ERICH6B: variants seen among roughly 807,000 people sequenced by gnomAD.
The protein encoded by ERICH6B is glutamate rich 6B.
In ERICH6B, 69 loss-of-function variants were observed where a neutral mutation model predicts 80.0. That is an observed-to-expected ratio of 0.86 (90% CI 0.71 to 1.05). ERICH6B has a LOEUF of 1.05. Ranked by LOEUF, ERICH6B falls within the 50% of genes least tolerant of loss-of-function variation. The probability of loss-of-function intolerance (pLI) is 0.00; values close to 1 mark genes in which losing one functional copy is unlikely to be tolerated. For missense variants in ERICH6B, 754 were observed against 796.1 expected, an observed-to-expected ratio of 0.95 and a Z score of 0.64; for synonymous variants, 283 against 291.9, an observed-to-expected ratio of 0.97 and a Z score of 0.31.
intron 3 of ERICH6B, among the ~76,000 whole-genome samples, chr13:45,593,717 A>C (rs1380601316): frequency 2.0e-5 from 3 of 152,204 alleles, no homozygotes; most frequent in African/African-American, 7.2e-5. Flanking sequence ...TAAGTAGATA[A>C]ATAAATGACA....
rs78729837 is a variant in ERICH6B, at chr13:45,582,238, C to T, written c.857-1573G>A. Among the ~76,000 whole-genome samples the T allele has an allele frequency of 1.4e-3, 208 of 152,302 alleles. 3 individuals are homozygous for T. In the East Asian group the frequency reaches 0.033, roughly 24 times the overall value. ...AGTGTGGTGTCCCCCAAACTGAACGCGCCATTCCAGGGATGGCACTCCAAT... is the reference window on the plus strand; with the variant it reads ...AGTGTGGTGTCCCCCAAACTGAACGTGCCATTCCAGGGATGGCACTCCAAT... On this transcript the variant is annotated intron_variant, in intron 5 of 14. Transcript: ENST00000298738.
intron 2 of ERICH6B, among the ~76,000 whole-genome samples, chr13:45,606,522 TATATATATATATATATATA>T (rs1566307718): frequency 4.7e-4 from 15 of 32,160 alleles, no homozygotes; most frequent in Admixed American, 1.3e-3. Flanking sequence ...TATATATATA[TATATATATATATATATATA>T]TATATATTTT....
At chr13:45,604,693 A>AAAAC (rs545910833) in intron 2 of ERICH6B, among the ~76,000 whole-genome samples, 65 of 140,682 alleles carry the variant, frequency 4.6e-4, no homozygotes, top group Non-Finnish European at 6.0e-4. Flanking sequence ...TTGGCTGGAA[A>AAAAC]AAACAAACAA....
intron 4 of ERICH6B, among the ~76,000 whole-genome samples, chr13:45,589,419 C>T (rs566016580): frequency 3.6e-4 from 55 of 152,316 alleles, no homozygotes; most frequent in Non-Finnish European, 7.2e-4. Flanking sequence ...CCTGGCGGTT[C>T]GTGGGGTGCA....
At chr13:45,615,140 C>T (rs1949920523) in intron 1 of ERICH6B, among the ~76,000 whole-genome samples, 1 of 152,232 alleles carries the variant, frequency 6.6e-6, no homozygotes, top group African/African-American at 2.4e-5. Flanking sequence ...GGTCACTGCT[C>T]ACATCTCCCT....
At chr13:45,611,576 C>T (rs1286653514) in intron 1 of ERICH6B, among the ~76,000 whole-genome samples, 1 of 152,192 alleles carries the variant, frequency 6.6e-6, no homozygotes, top group African/African-American at 2.4e-5. Context: ...AGAGCTTTCA[C>T]TACCCATGAC....
At chr13:45,553,885 G>A (rs561331290) in intron 11 of ERICH6B, among the ~76,000 whole-genome samples, 1 of 152,156 alleles carries the variant, frequency 6.6e-6, no homozygotes, top group African/African-American at 2.4e-5. Context: ...ACAACATGAT[G>A]TTTTGATGTA....
chr13:45,613,542 G>A (rs937473778), intron 1 of ERICH6B, among the ~76,000 whole-genome samples: 27 of 152,144 alleles, frequency 1.8e-4, no homozygotes, highest in Admixed American at 1.6e-3. Context: ...ATTACTTGAA[G>A]CGGTGAACTA....
chr13:45,611,201 C>T (rs1324378838), intron 1 of ERICH6B, among the ~76,000 whole-genome samples: 1 of 152,150 alleles, frequency 6.6e-6, no homozygotes. Flanking sequence ...TGCTAGAATC[C>T]CATTGTCCAG....
rs200242458 is a variant in ERICH6B at position 45,606,501 on chromosome 13, A to G, written c.-59+1063T>C. ...TTCTTGGCTGAGATCCCAAAAGTGT[A>G]TGTGTATATATATATATATATATAT... On this transcript the variant is annotated intron_variant, in intron 2 of 14. Coordinates refer to ENST00000298738, the MANE Select transcript of ERICH6B (RefSeq NM_182542.3). 4.0e-3 allele frequency among the ~76,000 whole-genome samples: 187 copies of G among 47,188 alleles called. 2 individuals carry two copies. The highest frequency in any genetic ancestry group is 0.016 in the African/African-American group (131 of 8,246). The allele number at this position is 47,188 out of a possible 152,430, so 31.0% of individuals were successfully genotyped here. A position where few individuals can be genotyped will look rare whatever the true frequency, so the allele number is the denominator to read the frequency against.
At chr13:45,569,957 C>T (rs1486316636) in intron 8 of ERICH6B, among the ~76,000 whole-genome samples, 3 of 152,198 alleles carry the variant, frequency 2.0e-5, no homozygotes, top group African/African-American at 7.2e-5. Flanking sequence ...TTTGCCTAGG[C>T]CAATGATCTA....
chr13:45,580,101 C>T, intron 6 of ERICH6B, 127 bp from the exon 7 acceptor site: 1 of 797,672 alleles, frequency 1.3e-6, no homozygotes. Flanking sequence ...GGGTGGAGTG[C>T]CTGTGTTTTG....
Position 45,597,022 on chromosome 13 carries a change from G to A in ERICH6B, c.-17C>T. The A allele has an allele frequency of 1.3e-6, 2 of 1,524,646 alleles. No homozygotes were observed. Among genetic ancestry groups the A allele is most frequent in the East Asian group, 2.5e-5 (1 of 40,614 alleles). The allele number at this position is 1,524,646 out of a possible 1,614,324, so 94.4% of individuals were successfully genotyped here. On this transcript the variant is annotated 5_prime_UTR_variant, in exon 3 of 15. Transcript: ENST00000298738. ...AGCAGACATGCTGGGGAAGTCGTAG[G>A]TGGTGAACTCCTTCTGCAGCAGCCA...
intron 8 of ERICH6B, among the ~76,000 whole-genome samples, chr13:45,570,437 G>GA (rs1008015224): frequency 9.9e-5 from 15 of 151,978 alleles, no homozygotes; most frequent in African/African-American, 3.6e-4. Context: ...TCCTTTACAA[G>GA]AAAAAAATGA....
chr13:45,559,767 T>C (rs1874590380), intron 11 of ERICH6B, among the ~76,000 whole-genome samples: 1 of 152,202 alleles, frequency 6.6e-6, no homozygotes. Context: ...AGTGCTTATA[T>C]AATTTCAATT....
intron 1 of ERICH6B, among the ~76,000 whole-genome samples, chr13:45,608,297 A>G (rs953734350): frequency 7.2e-5 from 11 of 152,214 alleles, no homozygotes; most frequent in African/African-American, 2.7e-4. Context: ...CAGCACAAAA[A>G]TCCTGCCTTA....
chr13:45,573,142 T>C (rs1414779801), intron 8 of ERICH6B, among the ~76,000 whole-genome samples: 3 of 152,020 alleles, frequency 2.0e-5, no homozygotes, highest in Non-Finnish European at 2.9e-5. Flanking sequence ...ATATGTACCA[T>C]TCATTGCATT....
At position 45,550,052 on chromosome 13, in the gene ERICH6B, G is replaced by A. The variant is rs532671376; in HGVS notation, c.1494-7C>T. On this transcript the variant is annotated splice_region_variant and splice_polypyrimidine_tract_variant and intron_variant, in intron 12 of 14. Transcript: ENST00000298738. ...CAGGTTTCCTGATGGATAACTGGGA[G>A]AAGGTTAAGGCACAAGTAGTCAGTC... 3 of 1,551,414 alleles carry A rather than the reference G, an allele frequency of 1.9e-6. No individual in the cohort carries two copies. Among genetic ancestry groups the A allele is most frequent in the Admixed American group, 3.9e-5 (2 of 51,002 alleles).
At chr13:45,583,743 T>C (rs1224120510) in intron 5 of ERICH6B, among the ~76,000 whole-genome samples, 1 of 152,226 alleles carries the variant, frequency 6.6e-6, no homozygotes, top group African/African-American at 2.4e-5. Flanking sequence ...CGTTTGGTTC[T>C]CAGTTCTCTC....
Sources: gnomAD v4.1 joint callset for allele counts (sites outside exome capture counted in the v4.1 genomes callset) on GRCh38, gnomAD v4.1.1 for gene constraint, MANE v1.5 for transcripts, NCBI Gene and HGNC (gene_info 2026-07-23, HGNC 2026-07-21) for gene names.